The following KCNMB2 variants were observed in gnomAD, a reference collection of about 807,000 sequenced individuals.
The protein encoded by KCNMB2 is potassium calcium-activated channel subfamily M regulatory beta subunit 2.
A neutral mutation model predicts 24.5 loss-of-function variants in KCNMB2; 9 were observed. The ratio of observed to expected loss-of-function variants is 0.37; its 90% CI spans 0.22 to 0.64. The LOEUF is 0.64. Ranked by LOEUF, KCNMB2 falls within the 30% of genes least tolerant of loss-of-function variation. The probability of loss-of-function intolerance (pLI) is 0.63; values close to 1 mark genes in which losing one functional copy is unlikely to be tolerated. For synonymous variants in KCNMB2, 109 were observed against 104.4 expected (o/e 1.04, Z -0.27); for missense variants, 226 against 284.3 (o/e 0.79, Z 1.47).
intron 1 of KCNMB2, among the ~76,000 whole-genome samples, chr3:178,726,386 T>C (rs1456441937): frequency 6.6e-6 from 1 of 152,022 alleles, no homozygotes; most frequent in Non-Finnish European, 1.5e-5. Flanking sequence ...TTCTCATTTG[T>C]GATGTTCTGA....
At chr3:178,637,479 T>A (rs977211979) in intron 1 of KCNMB2, among the ~76,000 whole-genome samples, 10 of 152,206 alleles carry the variant, frequency 6.6e-5, no homozygotes, top group Admixed American at 6.5e-4. Context: ...AAGGGAGTGG[T>A]GAGAAGGTTC....
At chr3:178,579,355 G>C (rs1206045646) in intron 1 of KCNMB2, among the ~76,000 whole-genome samples, 1 of 152,154 alleles carries the variant, frequency 6.6e-6, no homozygotes, top group East Asian at 1.9e-4. Context: ...GAATCTCTGG[G>C]ACACAGCTAA....
chr3:178,808,157 T>G (rs1577204135), intron 2 of KCNMB2, among the ~76,000 whole-genome samples: 1 of 152,094 alleles, frequency 6.6e-6, no homozygotes, highest in East Asian at 1.9e-4. Context: ...AAAGGCAGCA[T>G]TAATGAAAGA....
intron 1 of KCNMB2, among the ~76,000 whole-genome samples, chr3:178,628,944 C>G (rs1301456806): frequency 6.6e-6 from 1 of 152,152 alleles, no homozygotes; most frequent in Non-Finnish European, 1.5e-5. Context: ...AGACCTCTGT[C>G]TACTTAAATA....
chr3:178,693,026 A>G (rs184502587), intron 1 of KCNMB2, among the ~76,000 whole-genome samples: 19 of 152,268 alleles, frequency 1.2e-4, no homozygotes, highest in African/African-American at 4.6e-4. Flanking sequence ...GAATGGGGCT[A>G]CATTCCTGTT....
intron 1 of KCNMB2, among the ~76,000 whole-genome samples, chr3:178,753,609 G>T (rs1723922236): frequency 6.6e-6 from 1 of 152,066 alleles, no homozygotes; most frequent in Non-Finnish European, 1.5e-5. Flanking sequence ...TTATGAAGGA[G>T]CACAAAGTTA....
At chr3:178,715,371 T>G (rs929546554) in intron 1 of KCNMB2, among the ~76,000 whole-genome samples, 7 of 151,674 alleles carry the variant, frequency 4.6e-5, no homozygotes, top group African/African-American at 1.5e-4. Flanking sequence ...TTTGGTTTTT[T>G]TTTTTTTTTT....
At chr3:178,791,887 T>C (rs1015277592) in intron 1 of KCNMB2, among the ~76,000 whole-genome samples, 6 of 149,646 alleles carry the variant, frequency 4.0e-5, no homozygotes, top group Non-Finnish European at 8.9e-5. Context: ...TAAAATAGTA[T>C]ACCCAGCAAA....
chr3:178,545,477 T>C (rs1715744196), intron 1 of KCNMB2, among the ~76,000 whole-genome samples: 1 of 152,186 alleles, frequency 6.6e-6, no homozygotes, highest in South Asian at 2.1e-4. Flanking sequence ...TCTGAGAAAG[T>C]TAAAAATAGC....
chr3:178,610,800 C>T (rs995333725), intron 1 of KCNMB2, among the ~76,000 whole-genome samples: 2 of 152,170 alleles, frequency 1.3e-5, no homozygotes, highest in African/African-American at 2.4e-5. Flanking sequence ...GAATCCTTGT[C>T]GTGTTCCAGA....
At chr3:178,750,890 A>G (rs1723822906) in intron 1 of KCNMB2, among the ~76,000 whole-genome samples, 1 of 152,206 alleles carries the variant, frequency 6.6e-6, no homozygotes, top group Admixed American at 6.5e-5. Flanking sequence ...TGTAATGCTC[A>G]TGTTCTTTTA....
intron 1 of KCNMB2, among the ~76,000 whole-genome samples, chr3:178,776,095 G>C (rs573178286): frequency 8.5e-5 from 13 of 152,190 alleles, no homozygotes; most frequent in African/African-American, 3.1e-4. Context: ...TTCCCCAAGT[G>C]TCTTCTTTGT....
At chr3:178,596,366 A>T (rs1214221892) in intron 1 of KCNMB2, among the ~76,000 whole-genome samples, 1 of 152,148 alleles carries the variant, frequency 6.6e-6, no homozygotes, top group Non-Finnish European at 1.5e-5. Context: ...CATATTAGAA[A>T]GGCATTATTT....
At chr3:178,676,460 C>T (rs1054729306) in intron 1 of KCNMB2, among the ~76,000 whole-genome samples, 5 of 152,120 alleles carry the variant, frequency 3.3e-5, no homozygotes, top group African/African-American at 1.2e-4. Context: ...ATCCAAAGTC[C>T]GTCTTCACAT....
At chr3:178,705,352 T>C (rs1235449157) in intron 1 of KCNMB2, among the ~76,000 whole-genome samples, 1 of 152,140 alleles carries the variant, frequency 6.6e-6, no homozygotes, top group East Asian at 1.9e-4. Context: ...ATGCTGCCAC[T>C]GTGCAGCAGC....
chr3:178,661,938 TTTTA>T (rs1720546677), intron 1 of KCNMB2, among the ~76,000 whole-genome samples: 1 of 152,136 alleles, frequency 6.6e-6, no homozygotes, highest in Non-Finnish European at 1.5e-5. Context: ...TATTATCCCA[TTTTA>T]CAGATGAGGA....
chr3:178,587,432 C>CT (rs1014970860), intron 1 of KCNMB2, among the ~76,000 whole-genome samples: 8 of 151,438 alleles, frequency 5.3e-5, no homozygotes, highest in African/African-American at 9.7e-5. Flanking sequence ...GTAATTTTTT[C>CT]TTTTTTTTGA....
chr3:178,823,913 T>TA lies in KCNMB2; in HGVS notation c.57-1666dup, dbSNP rs371711643. The stretch of plus-strand genomic sequence containing the variant: ...TGCATATTGGCTTTTTGCCTGAAGC[T>TA]AAAAAAAAATGACTTCAGTTTCTTT... On this transcript the variant is annotated intron_variant, in intron 2 of 4. Transcript: ENST00000452583. 7.8e-4 allele frequency among the ~76,000 whole-genome samples: 118 copies of TA among 151,228 alleles called. 1 individual carries two copies. In the East Asian group the frequency reaches 0.015, roughly 19 times the overall value.
At chr3:178,570,540 T>G (rs1197531583) in intron 1 of KCNMB2, among the ~76,000 whole-genome samples, 2 of 113,892 alleles carry the variant, frequency 1.8e-5, no homozygotes, top group Non-Finnish European at 1.9e-5. Flanking sequence ...TTTTTTTTTT[T>G]GCTCTTGGTA....
Sources: gnomAD v4.1 joint callset for allele counts (sites outside exome capture counted in the v4.1 genomes callset) on GRCh38, gnomAD v4.1.1 for gene constraint, MANE v1.5 for transcripts, NCBI Gene and HGNC (gene_info 2026-07-23, HGNC 2026-07-21) for gene names.